Variants in MRPS28 observed in about 807,000 individuals in gnomAD.
The protein encoded by MRPS28 is mitochondrial ribosomal protein S28, also known as small ribosomal subunit protein bS1m.
Under a neutral mutation model 10.8 loss-of-function variants are expected in MRPS28, and 7 were observed. The ratio of observed to expected loss-of-function variants is 0.65; its 90% CI spans 0.37 to 1.22. MRPS28 has a LOEUF of 1.22. Ranked by LOEUF, MRPS28 falls within the 50% of genes most tolerant of loss-of-function variation. The probability of loss-of-function intolerance (pLI) is 0.02; values close to 1 mark genes in which losing one functional copy is unlikely to be tolerated. For synonymous variants in MRPS28, 121 were observed against 93.3 expected (o/e 1.30, Z -1.71); for missense variants, 265 against 232.9 (o/e 1.14, Z -0.90).
intron 2 of MRPS28, among the ~76,000 whole-genome samples, chr8:79,986,364 C>G (rs572346929): frequency 6.6e-6 from 1 of 152,160 alleles, no homozygotes; most frequent in African/African-American, 2.4e-5. Flanking sequence ...AAAACTGGCA[C>G]AAGGCAGGGA....
rs777998113 is a variant in MRPS28 at position 80,003,049 on chromosome 8, A to C, written c.345T>G (p.Asp115Glu). The C allele has an allele frequency of 2.9e-5, 47 of 1,606,474 alleles. No homozygotes were observed. The highest frequency in any genetic ancestry group is 3.9e-5 in the Non-Finnish European group (46 of 1,178,014). ...ATACACAATGAAACTTTCCACCAAA[A>C]TCTATGTACAGATCATTCTCCACAA... is the stretch of plus-strand genomic sequence containing the variant. ...FHIVENDLYI[D>E]FGGKFHCVCR... The change falls in exon 2 of 3, where the codon GAT becomes GAG. Residue 115 changes from aspartate to glutamate, a missense_variant. Transcript: ENST00000276585.
chr8:79,998,130 A>T (rs1808557789), intron 2 of MRPS28, among the ~76,000 whole-genome samples: 1 of 152,152 alleles, frequency 6.6e-6, no homozygotes, highest in Non-Finnish European at 1.5e-5. Context: ...CCTCAACTGG[A>T]AGAAACCAAA....
At chr8:79,950,959 C>T (rs140318797) in intron 2 of MRPS28, among the ~76,000 whole-genome samples, 1 of 152,176 alleles carries the variant, frequency 6.6e-6, no homozygotes, top group African/African-American at 2.4e-5. Flanking sequence ...CACTCCCCCC[C>T]ACCTCCATTT....
intron 2 of MRPS28, among the ~76,000 whole-genome samples, chr8:79,923,920 TGGA>T (rs1810163413): frequency 6.6e-6 from 1 of 152,184 alleles, no homozygotes; most frequent in Non-Finnish European, 1.5e-5. Context: ...GACTTTCCTT[TGGA>T]GAGGTTTCTG....
chr8:79,982,479 G>A (rs537375400), intron 2 of MRPS28, among the ~76,000 whole-genome samples: 1 of 152,048 alleles, frequency 6.6e-6, no homozygotes, highest in Non-Finnish European at 1.5e-5. Context: ...CACTCGGGAA[G>A]CACAAGGGGT....
chr8:79,930,742 A>C (rs868730806), intron 2 of MRPS28, among the ~76,000 whole-genome samples: 13 of 152,222 alleles, frequency 8.5e-5, no homozygotes, highest in Admixed American at 2.0e-4. Flanking sequence ...TTTTGCTTCT[A>C]ATCTGAGAAA....
chr8:79,937,497 C>G (rs1056941883), intron 2 of MRPS28, among the ~76,000 whole-genome samples: 1 of 152,144 alleles, frequency 6.6e-6, no homozygotes, highest in African/African-American at 2.4e-5. Context: ...CTTAGTGATA[C>G]TGATTTTCAA....
chr8:79,969,463 T>A (rs1387755635), intron 2 of MRPS28, among the ~76,000 whole-genome samples: 2 of 152,134 alleles, frequency 1.3e-5, no homozygotes, highest in African/African-American at 4.8e-5. Context: ...CCTGTTATTA[T>A]AAAACCAAAA....
chr8:80,023,312 G>C lies in MRPS28; in HGVS notation c.213+6724C>G, dbSNP rs117538117. Among the ~76,000 whole-genome samples, 593 of 152,130 alleles carry C rather than the reference G, an allele frequency of 3.9e-3. 32 individuals are homozygous for C. The East Asian group carries it at 0.1, about 27-fold the overall frequency. On this transcript the variant is annotated intron_variant, in intron 1 of 2. Transcript: ENST00000276585. ...AGTAAAACTGATAAGAAAACAAAGG[G>C]TTAAGTAAAACTATATAATTTTACT... is the stretch of plus-strand genomic sequence containing the variant.
At chr8:79,989,346 C>T (rs945337507) in intron 2 of MRPS28, among the ~76,000 whole-genome samples, 3 of 152,030 alleles carry the variant, frequency 2.0e-5, no homozygotes, top group South Asian at 2.1e-4. Context: ...CAATTTTATA[C>T]GGTTTAAACT....
At chr8:79,983,539 G>A (rs1246407202) in intron 2 of MRPS28, among the ~76,000 whole-genome samples, 7 of 152,160 alleles carry the variant, frequency 4.6e-5, no homozygotes, top group South Asian at 2.1e-4. Flanking sequence ...AAATTTAGAC[G>A]AATGTATAAC....
At chr8:79,992,760 C>T (rs1808401710) in intron 2 of MRPS28, among the ~76,000 whole-genome samples, 1 of 152,136 alleles carries the variant, frequency 6.6e-6, no homozygotes, top group Admixed American at 6.5e-5. Context: ...TATAGAGAAG[C>T]TACTTTAGCT....
chr8:79,965,261 T>C (rs1807475108), intron 2 of MRPS28, among the ~76,000 whole-genome samples: 1 of 152,138 alleles, frequency 6.6e-6, no homozygotes, highest in Non-Finnish European at 1.5e-5. Flanking sequence ...AATTGAATGA[T>C]AGTGTTAAGT....
chr8:80,019,928 C>T (rs1002425473), intron 1 of MRPS28, among the ~76,000 whole-genome samples: 3 of 152,124 alleles, frequency 2.0e-5, no homozygotes, highest in African/African-American at 7.2e-5. Context: ...ATGACACAGC[C>T]TAAGGAGGTC....
intron 2 of MRPS28, among the ~76,000 whole-genome samples, chr8:79,953,266 A>G (rs1807123745): frequency 6.6e-6 from 1 of 152,210 alleles, no homozygotes; most frequent in African/African-American, 2.4e-5. Flanking sequence ...GTTGCTGCAG[A>G]GGACAGAGAG....
intron 2 of MRPS28, among the ~76,000 whole-genome samples, chr8:79,933,168 G>A (rs1469509797): frequency 2.6e-5 from 4 of 152,174 alleles, no homozygotes; most frequent in Non-Finnish European, 5.9e-5. Context: ...AGATCGGGTG[G>A]CTTAAACAAC....
At chr8:80,023,798 C>A (rs957353544) in intron 1 of MRPS28, among the ~76,000 whole-genome samples, 3 of 152,136 alleles carry the variant, frequency 2.0e-5, no homozygotes, top group Non-Finnish European at 4.4e-5. Flanking sequence ...CTTGTGGCTA[C>A]GAGATGAGTT....
chr8:80,019,209 T>C (rs189709064), intron 1 of MRPS28, among the ~76,000 whole-genome samples: 3 of 151,418 alleles, frequency 2.0e-5, no homozygotes, highest in African/African-American at 7.3e-5. Flanking sequence ...AATTTGATTG[T>C]TAACACAAAG....
At chr8:79,984,147 A>G (rs1229956077) in intron 2 of MRPS28, among the ~76,000 whole-genome samples, 5 of 152,202 alleles carry the variant, frequency 3.3e-5, no homozygotes, top group Non-Finnish European at 7.3e-5. Flanking sequence ...AGAATTTTCA[A>G]CCCAGAAGTT....
Sources: allele counts gnomAD v4.1 joint callset (sites outside exome capture counted in the v4.1 genomes callset), GRCh38; gene constraint gnomAD v4.1.1; transcripts MANE v1.5; gene names NCBI Gene and HGNC (gene_info 2026-07-23, HGNC 2026-07-21).